Variants in SKIC3 observed in about 807,000 individuals in gnomAD.
SKIC3 encodes superkiller complex protein 3.
the SKIC3 span, among the ~76,000 whole-genome samples, chr5:95,488,071 G>A: frequency 6.6e-6 from 1 of 151,794 alleles, no homozygotes; most frequent in South Asian, 2.1e-4. Context: ...TTCAACAACA[G>A]ACTAGATCAA....
At chr5:95,539,439 A>T in the SKIC3 span, among the ~76,000 whole-genome samples, 1 of 152,048 alleles carries the variant, frequency 6.6e-6, no homozygotes, top group Non-Finnish European at 1.5e-5. Context: ...ATCAAAAAAT[A>T]AAAAAAATAG....
chr5:95,530,806 TC>T, the SKIC3 span, among the ~76,000 whole-genome samples: 8 of 152,322 alleles, frequency 5.3e-5, no homozygotes, highest in African/African-American at 1.4e-4. Context: ...GAGATAGTCA[TC>T]CAATGCCTAC....
the SKIC3 span, among the ~76,000 whole-genome samples, chr5:95,515,600 T>C: frequency 6.6e-6 from 1 of 152,180 alleles, no homozygotes; most frequent in Non-Finnish European, 1.5e-5. Context: ...CCATAGCTTA[T>C]TAAGACATTG....
chr5:95,533,430 G>C, the SKIC3 span, among the ~76,000 whole-genome samples: 8 of 151,922 alleles, frequency 5.3e-5, no homozygotes, highest in African/African-American at 1.9e-4. Flanking sequence ...CTGAAAGTCG[G>C]GTTTAGAGGA....
At chr5:95,540,573 C>T in the SKIC3 span, 1 of 1,337,278 alleles carries the variant, frequency 7.5e-7, no homozygotes. Context: ...AAAAGATGTT[C>T]AACATTACTA....
the SKIC3 span, chr5:95,536,872 G>C: frequency 6.2e-7 from 1 of 1,613,694 alleles, no homozygotes; most frequent in African/African-American, 1.3e-5. Context: ...CAGTAGGATA[G>C]ATGTTTATCA....
the SKIC3 span, among the ~76,000 whole-genome samples, chr5:95,481,767 T>G: frequency 2.0e-5 from 3 of 152,154 alleles, no homozygotes; most frequent in Non-Finnish European, 4.4e-5. Context: ...TTATGCCAGA[T>G]AATTTTTTCA....
At chr5:95,486,916 G>A in the SKIC3 span, among the ~76,000 whole-genome samples, 5 of 152,262 alleles carry the variant, frequency 3.3e-5, no homozygotes, top group Non-Finnish European at 7.4e-5. Flanking sequence ...CTACCCAGCC[G>A]AATTGTGATG....
At chr5:95,497,344 GT>G in the SKIC3 span, 1 of 1,294,442 alleles carries the variant, frequency 7.7e-7, no homozygotes, top group South Asian at 1.3e-5. Context: ...TAATGCCATA[GT>G]TTAAAATTAT....
At chr5:95,521,059 GA>G in the SKIC3 span, among the ~76,000 whole-genome samples, 15 of 151,924 alleles carry the variant, frequency 9.9e-5, no homozygotes, top group African/African-American at 3.4e-4. Context: ...CAGAACCCAA[GA>G]ATTTCCTTGA....
At chr5:95,523,777 T>C in the SKIC3 span, 4 of 1,613,552 alleles carry the variant, frequency 2.5e-6, no homozygotes, top group South Asian at 1.1e-5. Flanking sequence ...ACTACGTCTC[T>C]ATAATAATGA....
the SKIC3 span, chr5:95,525,410 T>C: frequency 4.3e-6 from 7 of 1,613,936 alleles, no homozygotes; most frequent in Non-Finnish European, 5.9e-6. Context: ...TTTTTCTGCT[T>C]GTAGATAGTC....
chr5:95,543,309 TC>T, the SKIC3 span: 1 of 1,614,042 alleles, frequency 6.2e-7, no homozygotes, highest in Non-Finnish European at 8.5e-7. Flanking sequence ...TAGTTATTTT[TC>T]TCTTGCTTTA....
At chr5:95,553,839 G>T in the SKIC3 span, among the ~76,000 whole-genome samples, 3 of 152,208 alleles carry the variant, frequency 2.0e-5, no homozygotes, top group Non-Finnish European at 2.9e-5. Flanking sequence ...GATTACAGGC[G>T]TGAGCCACCG....
chr5:95,541,053 G>T, the SKIC3 span, among the ~76,000 whole-genome samples: 3 of 152,076 alleles, frequency 2.0e-5, no homozygotes, highest in East Asian at 5.8e-4. Flanking sequence ...CACAACATCT[G>T]CCTCCTGGGT....
the SKIC3 span, chr5:95,503,662 A>C: frequency 1.0e-6 from 1 of 956,272 alleles, no homozygotes. Context: ...TAACAGATAA[A>C]AAAGTGCCTA....
At chr5:95,506,846 G>A in the SKIC3 span, 3 of 1,299,770 alleles carry the variant, frequency 2.3e-6, no homozygotes, top group East Asian at 2.3e-5. Context: ...CAGTATTCTA[G>A]GAACTAGTCA....
chr5:95,526,201 TTAATGA>T, the SKIC3 span, among the ~76,000 whole-genome samples: 1 of 152,172 alleles, frequency 6.6e-6, no homozygotes, highest in Non-Finnish European at 1.5e-5. Context: ...ACATTTGAAC[TTAATGA>T]TAATGCCTTG....
the SKIC3 span, chr5:95,530,342 A>C: frequency 8.9e-7 from 1 of 1,127,082 alleles, no homozygotes; most frequent in Non-Finnish European, 1.3e-6. Flanking sequence ...TCTTCACCAC[A>C]TGCTGACTCC....
Sources: allele counts gnomAD v4.1 joint callset (sites outside exome capture counted in the v4.1 genomes callset), GRCh38; gene constraint gnomAD v4.1.1; transcripts MANE v1.5; gene names NCBI Gene and HGNC (gene_info 2026-07-23, HGNC 2026-07-21).